CCDC32: variants seen among roughly 807,000 people sequenced by gnomAD.
The protein encoded by CCDC32 is coiled-coil domain-containing protein 32.
Under a neutral mutation model 20.1 loss-of-function variants are expected in CCDC32, and 9 were observed. That is an observed-to-expected ratio of 0.45 (90% CI 0.27 to 0.78). CCDC32 has a LOEUF of 0.78. CCDC32 is among the 30% of genes least tolerant of loss of function. The pLI is 0.16. For missense variants in CCDC32, 204 were observed against 215.5 expected (o/e 0.95, Z 0.33); for synonymous variants, 63 against 79.0 (o/e 0.80, Z 1.07).
chr15:40,555,355 A>G (rs894268272), intron 3 of CCDC32, among the ~76,000 whole-genome samples: 5 of 152,236 alleles, frequency 3.3e-5, no homozygotes, highest in Non-Finnish European at 5.9e-5. Flanking sequence ...ATACGTAGGA[A>G]CATGCTGATC....
At chr15:40,524,129 C>T (rs1595880750), downstream of CCDC32, among the ~76,000 whole-genome samples, 1 of 143,630 alleles carries the variant, frequency 7.0e-6, no homozygotes, top group Non-Finnish European at 1.5e-5. Context: ...ATTATTGATA[C>T]ACACAACATG....
chr15:40,544,976 G>A (rs1427240994), intron 3 of CCDC32, among the ~76,000 whole-genome samples: 1 of 152,110 alleles, frequency 6.6e-6, no homozygotes, highest in African/African-American at 2.4e-5. Flanking sequence ...TCTCACTTTT[G>A]ATAAGGTTAC....
downstream of CCDC32, among the ~76,000 whole-genome samples, chr15:40,532,903 C>T (rs1052342119): frequency 7.9e-5 from 12 of 151,756 alleles, no homozygotes; most frequent in African/African-American, 2.9e-4. Flanking sequence ...GGGGGTTTCA[C>T]CATGTTGCCC....
chr15:40,547,398 G>T (rs574406309), intron 3 of CCDC32, among the ~76,000 whole-genome samples: 1 of 152,122 alleles, frequency 6.6e-6, no homozygotes, highest in East Asian at 1.9e-4. Context: ...CTAGGCACCC[G>T]AGCTTCAGCA....
At chr15:40,539,143 G>T, downstream of CCDC32, 1 of 1,025,516 alleles carries the variant, frequency 9.8e-7, no homozygotes, top group Non-Finnish European at 1.5e-6. Context: ...AGTAGTTGTT[G>T]CTGTTTCTCC....
chr15:40,525,111 A>G (rs1344456001), downstream of CCDC32, among the ~76,000 whole-genome samples: 3 of 147,814 alleles, frequency 2.0e-5, no homozygotes, highest in Admixed American at 1.3e-4. Flanking sequence ...ACTCACCGCA[A>G]CCTCTGCCAC....
chr15:40,563,826 CTT>C (rs35503180), intron 1 of CCDC32, among the ~76,000 whole-genome samples: 41 of 137,364 alleles, frequency 3.0e-4, no homozygotes, highest in Non-Finnish European at 4.2e-4. Context: ...TTCTTTCTTT[CTT>C]TTTTTTTTTT....
At position 40,564,977 on chromosome 15, in the gene CCDC32, G is replaced by GT. The variant is rs1318196080; in HGVS notation, c.-15dup. 16 of 620,228 alleles carry GT rather than the reference G, an allele frequency of 2.6e-5. No homozygotes were observed. The highest frequency in any genetic ancestry group is 1.8e-5 in the African/African-American group (1 of 54,270). 38.4% of individuals were successfully genotyped at this position (620,228 alleles called of 1,614,324 possible). On this transcript the variant is annotated splice_region_variant and 5_prime_UTR_variant, in exon 1 of 4. Coordinates refer to ENST00000416810, the MANE Select transcript of CCDC32 (RefSeq NM_001080792.4). ...GCACCCCAGCCCCTCCTCACTTACC[G>GT]TAACAGCTGCCCAGTAAACGCTTGG...
downstream of CCDC32, among the ~76,000 whole-genome samples, chr15:40,526,119 G>A (rs1179780017): frequency 6.6e-6 from 1 of 152,160 alleles, no homozygotes; most frequent in African/African-American, 2.4e-5. Flanking sequence ...TGTGGGCTGT[G>A]TAGACCAGAG....
At chr15:40,554,149 G>A (rs1164764735) in intron 3 of CCDC32, 22 bp from the exon 4 acceptor site, 11 of 1,603,064 alleles carry the variant, frequency 6.9e-6, no homozygotes, top group Non-Finnish European at 9.4e-6. Context: ...CAGAATAAAA[G>A]GGTGGCTGTG....
At chr15:40,525,874 T>C (rs1294776413), downstream of CCDC32, among the ~76,000 whole-genome samples, 1 of 151,990 alleles carries the variant, frequency 6.6e-6, no homozygotes, top group Non-Finnish European at 1.5e-5. Context: ...CCTTGGATGC[T>C]CATACTTTGG....
downstream of CCDC32, among the ~76,000 whole-genome samples, chr15:40,526,356 T>C (rs1894900653): frequency 6.6e-6 from 1 of 152,202 alleles, no homozygotes; most frequent in South Asian, 2.1e-4. Flanking sequence ...AAAATAATAC[T>C]GTAACTTGCT....
chr15:40,530,154 G>A (rs1033483931), downstream of CCDC32, among the ~76,000 whole-genome samples: 27 of 151,080 alleles, frequency 1.8e-4, no homozygotes, highest in African/African-American at 5.6e-4. Context: ...TGAGCCAGGC[G>A]TGGTGGCACA....
At chr15:40,539,840 C>CCCCACACACA (rs1338607302) in intron 3 of CCDC32, among the ~76,000 whole-genome samples, 2 of 134,632 alleles carry the variant, frequency 1.5e-5, no homozygotes, top group East Asian at 2.5e-4. Flanking sequence ...CAAACTGTTG[C>CCCCACACACA]CACACACACA....
At chr15:40,539,881 C>CACA (rs1491175376) in intron 3 of CCDC32, among the ~76,000 whole-genome samples, 6 of 147,948 alleles carry the variant, frequency 4.1e-5, no homozygotes, top group Non-Finnish European at 7.5e-5. Context: ...CACACACACA[C>CACA]CCCGCTCCTT....
chr15:40,548,543 G>T (rs1341366695), downstream of CCDC32, among the ~76,000 whole-genome samples: 1 of 152,122 alleles, frequency 6.6e-6, no homozygotes, highest in Non-Finnish European at 1.5e-5. Context: ...GGCTTTGCAG[G>T]GACAGCTTGT....
downstream of CCDC32, among the ~76,000 whole-genome samples, chr15:40,551,762 G>A (rs918919798): frequency 7.2e-5 from 10 of 139,148 alleles, no homozygotes; most frequent in African/African-American, 2.2e-4. Context: ...AGCTGAGACC[G>A]TGCCACTGCC....
At chr15:40,542,590 C>T (rs528702964) in intron 3 of CCDC32, among the ~76,000 whole-genome samples, 3 of 152,260 alleles carry the variant, frequency 2.0e-5, no homozygotes, top group South Asian at 2.1e-4. Flanking sequence ...ATGCCTGGGC[C>T]GGGCGCAGTG....
At chr15:40,564,731 C>G in intron 1 of CCDC32, 1 of 1,614,150 alleles carries the variant, frequency 6.2e-7, no homozygotes, top group Non-Finnish European at 8.5e-7. Context: ...AACCCGAATT[C>G]GTCTAAAGCC....
Sources: gnomAD v4.1 joint callset for allele counts (sites outside exome capture counted in the v4.1 genomes callset) on GRCh38, gnomAD v4.1.1 for gene constraint, MANE v1.5 for transcripts, NCBI Gene and HGNC (gene_info 2026-07-23, HGNC 2026-07-21) for gene names.